The following LRRC27 variants were observed in gnomAD, a reference collection of about 807,000 sequenced individuals.
LRRC27 encodes leucine-rich repeat-containing protein 27.
LRRC27 carries 57 observed loss-of-function variants against 55.0 expected under a neutral mutation model. The observed-to-expected ratio is 1.04, with a 90% confidence interval of 0.84 to 1.29. The LOEUF (loss-of-function observed/expected upper bound fraction) is 1.29. Ranked by LOEUF, LRRC27 falls within the 50% of genes most tolerant of loss-of-function variation. The pLI, the probability that LRRC27 is intolerant of heterozygous loss-of-function variation, is 0.00. For synonymous variants in LRRC27, 278 were observed against 251.9 expected (o/e 1.10, Z -0.98); for missense variants, 721 against 651.5 (o/e 1.11, Z -1.16).
At chr10:132,352,794 C>A in intron 7 of LRRC27, 1 of 1,449,688 alleles carries the variant, frequency 6.9e-7, no homozygotes, top group South Asian at 1.2e-5. Flanking sequence ...TGCTCGCGGT[C>A]GCCCCCTTGT....
At position 132,372,437 on chromosome 10, in the gene LRRC27, G is replaced by A. The variant is rs1182752137; in HGVS notation, c.1417-2629G>A. Among the ~76,000 whole-genome samples, 4 of 152,222 alleles carry A rather than the reference G, an allele frequency of 2.6e-5. No individual in the cohort carries two copies. The highest frequency in any genetic ancestry group is 7.2e-5 in the African/African-American group (3 of 41,454). On this transcript the variant is annotated intron_variant, in intron 10 of 10. Transcript: ENST00000368614. The surrounding 1 kb of genome is among the most constrained non-coding windows in gnomAD (Gnocchi z 4.0). ...CAAAAAATTAGCCGGGCACAGTGGT[G>A]TGCACCTGTAATCCCAGCTACGCAG...
chr10:132,331,626 G>A (rs1442010887), upstream of LRRC27: 36 of 1,612,750 alleles, frequency 2.2e-5, no homozygotes, highest in Non-Finnish European at 2.8e-5. Context: ...AGGACAGGCA[G>A]CGAGGACCGC....
intron 8 of LRRC27, among the ~76,000 whole-genome samples, chr10:132,361,075 C>A (rs2068592332): frequency 6.6e-6 from 1 of 152,214 alleles, no homozygotes; most frequent in Non-Finnish European, 1.5e-5. Flanking sequence ...AGAAACAGAT[C>A]TGGGGCCCCT....
In LRRC27 at chr10:132,361,522, T is replaced by C; in HGVS notation, c.1236T>C (p.Pro412=). ...IDNRKVPLNP[P]GKMKPSKEKS... is the part of the protein sequence containing the mutation. ...ACAGGAAAGTACCACTGAATCCGCCTGGAAAAATGAAACCAAGCAAAGAGA... is the reference window on the plus strand; with the variant it reads ...ACAGGAAAGTACCACTGAATCCGCCCGGAAAAATGAAACCAAGCAAAGAGA... Residue 412 remains proline (P), a synonymous_variant, in exon 9 of 11, where the codon CCT becomes CCC. Coordinates refer to ENST00000368614, the MANE Select transcript of LRRC27 (RefSeq NM_030626.3). 1.2e-6 allele frequency: 2 copies of C among 1,613,870 alleles called. No homozygotes were observed. The highest frequency in any genetic ancestry group is 1.7e-6 in the Non-Finnish European group (2 of 1,179,968).
intron 8 of LRRC27, among the ~76,000 whole-genome samples, chr10:132,360,762 A>T (rs2133035570): frequency 1.3e-5 from 2 of 152,278 alleles, no homozygotes; most frequent in East Asian, 3.9e-4. Context: ...GAGTCTCCAC[A>T]TTGCAGTAGC....
rs1186866043 is a variant in LRRC27, at chr10:132,365,513, T to TGGAGGA, written c.1381_1386dup (p.Glu461_Glu462dup). On this transcript the variant is annotated inframe_insertion, in exon 10 of 11. Coordinates refer to ENST00000368614, the MANE Select transcript of LRRC27 (RefSeq NM_030626.3). Reference sequence around the variant, plus strand: ...AGAAGATTCCATGGCCAGGCCCCACTGGAGGAGATGAGGAAGGCTGCCGAG... The same window carrying TGGAGGA: ...AGAAGATTCCATGGCCAGGCCCCACTGGAGGAGGAGGAGATGAGGAAGGCTGCCGAG... 2 of 1,613,652 alleles carry TGGAGGA rather than the reference T, an allele frequency of 1.2e-6. No homozygotes were observed. The highest frequency in any genetic ancestry group is 3.3e-5 in the Admixed American group (2 of 60,020).
At chr10:132,366,867 G>T in intron 10 of LRRC27, 1 of 1,284,564 alleles carries the variant, frequency 7.8e-7, no homozygotes, top group African/African-American at 1.5e-5. Flanking sequence ...GGAGAGAGGA[G>T]GCATGAGGGC....
chr10:132,335,485 T>C (rs1478416562), intron 2 of LRRC27, among the ~76,000 whole-genome samples: 2 of 141,152 alleles, frequency 1.4e-5, no homozygotes, highest in African/African-American at 5.5e-5. Flanking sequence ...TGGGGGGGGG[T>C]CACAGTCTTC....
intron 9 of LRRC27, among the ~76,000 whole-genome samples, chr10:132,364,056 T>C (rs1448172524): frequency 6.6e-6 from 1 of 151,966 alleles, no homozygotes; most frequent in Non-Finnish European, 1.5e-5. Flanking sequence ...CAGACCACAG[T>C]GGCCCGCTAA....
intron 2 of LRRC27, among the ~76,000 whole-genome samples, chr10:132,335,757 T>A (rs994011288): frequency 6.6e-6 from 1 of 152,212 alleles, no homozygotes; most frequent in African/African-American, 2.4e-5. Context: ...CCTGCTTTAT[T>A]TTGTCGTGGC....
intron 7 of LRRC27, chr10:132,352,744 T>G: frequency 1.1e-6 from 1 of 877,158 alleles, no homozygotes; most frequent in Non-Finnish European, 1.8e-6. Flanking sequence ...CTCCCTTGTT[T>G]GCAGCCCCGA....
upstream of LRRC27, chr10:132,332,036 G>C: frequency 3.1e-6 from 1 of 327,706 alleles, no homozygotes; most frequent in Non-Finnish European, 5.5e-6. Context: ...CCCCGCCCCC[G>C]CACGCAGGCA....
chr10:132,363,494 G>T (rs2068745664), intron 9 of LRRC27, among the ~76,000 whole-genome samples: 1 of 152,160 alleles, frequency 6.6e-6, no homozygotes, highest in African/African-American at 2.4e-5. Context: ...CGACTCTTCA[G>T]CTGGGCCCCT....
rs1564862287 is a variant in LRRC27 at position 132,375,174 on chromosome 10, G to T, written c.1525G>T (p.Ala509Ser). The part of the protein sequence containing the change: ...TGNLSLGLPA[A>S]QPQNTFFNTK... ...AAACCTTTCGCTTGGCCTGCCGGCAGCACAGCCTCAAAATACATTTTTTAA... is the reference window on the plus strand; with the variant it reads ...AAACCTTTCGCTTGGCCTGCCGGCATCACAGCCTCAAAATACATTTTTTAA... The change falls in exon 11 of 11, where the codon GCA becomes TCA. Residue 509 changes from alanine (A) to serine (S), a missense_variant. Ala to Ser is a moderately conservative substitution (Grantham distance 99). Coordinates refer to ENST00000368614, the MANE Select transcript of LRRC27 (RefSeq NM_030626.3). 6 of 1,614,000 alleles carry T rather than the reference G, an allele frequency of 3.7e-6. No individual in the cohort carries two copies. Among genetic ancestry groups the T allele is most frequent in the Non-Finnish European group, 5.1e-6 (6 of 1,179,998 alleles).
intron 2 of LRRC27, chr10:132,337,364 A>G (rs1366928182): frequency 3.7e-6 from 5 of 1,364,274 alleles, no homozygotes; most frequent in Non-Finnish European, 4.7e-6. Flanking sequence ...AGGCCGCCGG[A>G]AGGAGTCCTG....
chr10:132,367,785 C>T (rs547009044), intron 10 of LRRC27, among the ~76,000 whole-genome samples: 132 of 152,336 alleles, frequency 8.7e-4, no homozygotes, highest in Non-Finnish European at 1.7e-3. Context: ...GAAGCTTTTC[C>T]ACTAAGATCA....
At position 132,376,382 on chromosome 10, in the gene LRRC27, G is replaced by C. The variant is rs917239606; in HGVS notation, c.*1140G>C. The C allele has an allele frequency of 6.6e-6, 1 of 152,242 alleles. No individual in the cohort carries two copies. Among genetic ancestry groups the C allele is most frequent in the Non-Finnish European group, 1.5e-5 (1 of 68,050 alleles). The allele number at this position is 152,242 out of a possible 1,614,324, so 9.4% of individuals were successfully genotyped here. Reference sequence around the variant, plus strand: ...AACCCATGTATTAGAGAAGAAGGGCGTGAAATTTATCACCTAAGCTTTCCA... The same window carrying C: ...AACCCATGTATTAGAGAAGAAGGGCCTGAAATTTATCACCTAAGCTTTCCA... On this transcript the variant is annotated 3_prime_UTR_variant, in exon 11 of 11. Coordinates refer to ENST00000368614, the MANE Select transcript of LRRC27 (RefSeq NM_030626.3).
Position 132,348,259 on chromosome 10 carries a change from G to C in LRRC27, c.829G>C (p.Val277Leu), listed in dbSNP as rs145852868. The change falls in exon 6 of 11, where the codon GTT becomes CTT. Residue 277 changes from valine to leucine, a missense_variant. Val to Leu is a conservative substitution (Grantham distance 32, BLOSUM62 1). Transcript: ENST00000368614. The surrounding 1 kb of genome is among the most constrained non-coding windows in gnomAD (Gnocchi z 4.2). ...QEIVEHVKAD[V>L]LGDQLLTREL... is the part of the protein sequence containing the mutation. ...GATTGTTGAGCACGTGAAGGCAGAC[G>C]TTCTGGGAGATCAGCTCTTGACGAG... The C allele has an allele frequency of 6.2e-7, 1 of 1,614,078 alleles. No individual in the cohort carries two copies. Among genetic ancestry groups the C allele is most frequent in the Non-Finnish European group, 8.5e-7 (1 of 1,180,046 alleles).
At chr10:132,366,619 A>C in intron 10 of LRRC27, 1 of 167,464 alleles carries the variant, frequency 6.0e-6, no homozygotes, top group South Asian at 1.1e-4. Context: ...CTGCAGCCAT[A>C]AGGATTCTGG....
Sources: gnomAD v4.1 joint callset for allele counts (sites outside exome capture counted in the v4.1 genomes callset) on GRCh38, gnomAD v4.1.1 for gene constraint, Gnocchi (gnomAD v3.1) non-coding constraint, MANE v1.5 for transcripts, NCBI Gene and HGNC (gene_info 2026-07-23, HGNC 2026-07-21) for gene names.